Variants in DCDC1 observed in about 807,000 individuals in gnomAD.
DCDC1 encodes doublecortin domain-containing protein 1.
In DCDC1, 200 loss-of-function variants were observed where a neutral mutation model predicts 178.3. The ratio of observed to expected loss-of-function variants is 1.12; its 90% confidence interval spans 1.00 to 1.26. DCDC1 has a LOEUF of 1.26. DCDC1 is among the 50% of genes most tolerant of loss of function. The probability of loss-of-function intolerance (pLI) is 0.00; values close to 1 mark genes in which losing one functional copy is unlikely to be tolerated. For missense variants in DCDC1, 1,983 were observed against 1,749.2 expected, an observed-to-expected ratio of 1.13 and a Z score of -2.38; for synonymous variants, 690 against 604.8, an observed-to-expected ratio of 1.14 and a Z score of -2.07.
At chr11:31,205,490 G>A (rs1207174553) in intron 9 of DCDC1, among the ~76,000 whole-genome samples, 2 of 152,082 alleles carry the variant, frequency 1.3e-5, no homozygotes, top group African/African-American at 4.8e-5. Context: ...TAATGTTATT[G>A]GATCACAATA....
At chr11:31,304,457 AAT>A (rs1211179100) in intron 6 of DCDC1, among the ~76,000 whole-genome samples, 1 of 152,152 alleles carries the variant, frequency 6.6e-6, no homozygotes, top group Non-Finnish European at 1.5e-5. Flanking sequence ...AAATGTGAAA[AAT>A]ATATGAGTCT....
chr11:30,929,058 A>G (rs1190133930), intron 22 of DCDC1, among the ~76,000 whole-genome samples: 1 of 152,108 alleles, frequency 6.6e-6, no homozygotes, highest in East Asian at 1.9e-4. Flanking sequence ...TAAATGAAAT[A>G]GTTATCAAAT....
intron 20 of DCDC1, among the ~76,000 whole-genome samples, chr11:31,011,410 C>T (rs983316364): frequency 6.6e-6 from 1 of 152,110 alleles, no homozygotes; most frequent in Non-Finnish European, 1.5e-5. Flanking sequence ...ATAAACACTT[C>T]TAGCCAATAA....
intron 21 of DCDC1, among the ~76,000 whole-genome samples, chr11:30,947,512 A>G (rs1213216721): frequency 6.6e-6 from 1 of 152,280 alleles, no homozygotes; most frequent in East Asian, 1.9e-4. Flanking sequence ...ATATCCGTAT[A>G]CAGAAGAATG....
intron 20 of DCDC1, among the ~76,000 whole-genome samples, chr11:31,031,698 T>C (rs200300595): frequency 1.3e-5 from 2 of 152,208 alleles, no homozygotes; most frequent in East Asian, 3.9e-4. Flanking sequence ...GCCAGCAATA[T>C]TGTGAAAATA....
intron 2 of DCDC1, among the ~76,000 whole-genome samples, chr11:31,330,297 G>A (rs1244565806): frequency 6.6e-6 from 1 of 152,126 alleles, no homozygotes; most frequent in Admixed American, 6.5e-5. Flanking sequence ...CTGGATATAA[G>A]CCCTTTGTCA....
intron 20 of DCDC1, among the ~76,000 whole-genome samples, chr11:30,973,138 G>C (rs1282219948): frequency 1.3e-5 from 2 of 151,712 alleles, no homozygotes; most frequent in Non-Finnish European, 2.9e-5. Flanking sequence ...CAGGCGTGAT[G>C]GTGTGCACTT....
intron 6 of DCDC1, among the ~76,000 whole-genome samples, chr11:31,303,095 T>C (rs1206207352): frequency 1.3e-5 from 2 of 152,168 alleles, no homozygotes; most frequent in Non-Finnish European, 2.9e-5. Flanking sequence ...TCAATAAAAA[T>C]GTGTTGATTT....
rs541338493 is a variant in DCDC1, at chr11:31,097,175, T to C, written c.1984-2991A>G. ...AAGCAGTCAATGATAAAGCAATGCA[T>C]ACACATGCTGGGCCAGTTAAAACTT... On this transcript the variant is annotated intron_variant, in intron 15 of 38. Transcript: ENST00000684477. 1.8e-3 allele frequency among the ~76,000 whole-genome samples: 274 copies of C among 152,354 alleles called. 1 individual carries two copies. Among genetic ancestry groups the C allele is most frequent in the Non-Finnish European group, 2.8e-3 (189 of 68,030 alleles).
chr11:31,204,992 A>G (rs1971709406), intron 9 of DCDC1, among the ~76,000 whole-genome samples: 2 of 152,224 alleles, frequency 1.3e-5, no homozygotes, highest in South Asian at 4.1e-4. Flanking sequence ...CAATACTCTC[A>G]GTAGGCTTTG....
chr11:31,156,198 G>A (rs1965700211), intron 9 of DCDC1: 1 of 152,202 alleles, frequency 6.6e-6, no homozygotes, highest in African/African-American at 2.4e-5. Flanking sequence ...AAATATAATT[G>A]AGTACAATAT....
At chr11:31,020,318 T>C (rs1952785358) in intron 20 of DCDC1, among the ~76,000 whole-genome samples, 2 of 152,240 alleles carry the variant, frequency 1.3e-5, no homozygotes, top group Admixed American at 6.5e-5. Flanking sequence ...TAATTGTCAA[T>C]GTTGATTTCC....
chr11:30,932,478 C>G (rs1946994281), intron 21 of DCDC1, among the ~76,000 whole-genome samples: 1 of 152,136 alleles, frequency 6.6e-6, no homozygotes, highest in Non-Finnish European at 1.5e-5. Context: ...TCCATAAAAT[C>G]ATTTATTGAT....
At chr11:31,213,188 G>A (rs147860598) in intron 9 of DCDC1, among the ~76,000 whole-genome samples, 2 of 126,694 alleles carry the variant, frequency 1.6e-5, no homozygotes, top group African/African-American at 3.1e-5. Flanking sequence ...GCAGTGGTTT[G>A]CTGTCCTCCA....
At chr11:31,003,120 T>G (rs1951664764) in intron 20 of DCDC1, among the ~76,000 whole-genome samples, 2 of 151,322 alleles carry the variant, frequency 1.3e-5, no homozygotes, top group African/African-American at 2.4e-5. Context: ...TAGATTTCCA[T>G]ATATAGATTT....
At chr11:31,289,444 C>A (rs1471268385) in intron 7 of DCDC1, among the ~76,000 whole-genome samples, 1 of 151,884 alleles carries the variant, frequency 6.6e-6, no homozygotes, top group Non-Finnish European at 1.5e-5. Context: ...CTCAGGTTTC[C>A]CAGCTCCTTG....
intron 9 of DCDC1, among the ~76,000 whole-genome samples, chr11:31,239,525 TA>T (rs1201419957): frequency 6.6e-6 from 1 of 151,932 alleles, no homozygotes; most frequent in Non-Finnish European, 1.5e-5. Flanking sequence ...TAAAAATACA[TA>T]ATGAGCAAAC....
intron 38 of DCDC1, among the ~76,000 whole-genome samples, chr11:30,868,224 C>T (rs887969640): frequency 6.7e-6 from 1 of 148,236 alleles, no homozygotes; most frequent in Admixed American, 6.7e-5. Flanking sequence ...GGGGTGCATC[C>T]ATGCTCTTTC....
intron 21 of DCDC1, among the ~76,000 whole-genome samples, chr11:30,948,254 A>G (rs1761327313): frequency 6.6e-6 from 1 of 152,192 alleles, no homozygotes; most frequent in Admixed American, 6.5e-5. Context: ...CCCATTCATA[A>G]TTGCTACTAA....
Sources: gnomAD v4.1 joint callset for allele counts (sites outside exome capture counted in the v4.1 genomes callset) on GRCh38, gnomAD v4.1.1 for gene constraint, MANE v1.5 for transcripts, NCBI Gene and HGNC (gene_info 2026-07-23, HGNC 2026-07-21) for gene names.